Variants in NEMP1 observed in about 807,000 individuals in gnomAD.
The protein encoded by NEMP1 is nuclear envelope integral membrane protein 1, also known as transmembrane protein 194.
In NEMP1, 29 loss-of-function variants were observed where a neutral mutation model predicts 53.7. The observed-to-expected ratio is 0.54, with a 90% confidence interval of 0.40 to 0.74. The LOEUF is 0.74. Among genes scored for constraint, NEMP1 ranks in the 30% least tolerant of loss-of-function variants. The probability of loss-of-function intolerance (pLI) is 0.00; values close to 1 mark genes in which losing one functional copy is unlikely to be tolerated. For synonymous variants in NEMP1, 193 were observed against 192.9 expected (o/e 1.00, Z 0.00); for missense variants, 477 against 528.6 (o/e 0.90, Z 0.96).
At position 57,069,211 on chromosome 12, in the gene NEMP1, T is replaced by C. The variant is rs373504165; in HGVS notation, c.545+23A>G. 7.2e-4 allele frequency: 1,091 copies of C among 1,514,424 alleles called. 3 individuals carry two copies. The highest frequency in any genetic ancestry group is 7.4e-4 in the Non-Finnish European group (831 of 1,126,346). 93.8% of individuals were successfully genotyped at this position (1,514,424 alleles called of 1,614,324 possible). A position where few individuals can be genotyped will look rare whatever the true frequency, so the allele number is the denominator to read the frequency against. On this transcript the variant is annotated intron_variant, in intron 4 of 8. Coordinates refer to ENST00000300128, the MANE Select transcript of NEMP1 (RefSeq NM_001130963.2). ...AGGATAGGTATGAGCCGTTTCATTCTGCACACTAGCCTTGGAACCTACCTG... is the reference window on the plus strand; with the variant it reads ...AGGATAGGTATGAGCCGTTTCATTCCGCACACTAGCCTTGGAACCTACCTG...
intron 4 of NEMP1, among the ~76,000 whole-genome samples, chr12:57,065,096 T>A (rs1027249764): frequency 1.3e-5 from 2 of 152,230 alleles, no homozygotes; most frequent in African/African-American, 4.8e-5. Context: ...GTCATCATTT[T>A]TTTTGCTGGT....
chr12:57,078,338 C>T (rs1207245987), intron 1 of NEMP1, among the ~76,000 whole-genome samples: 1 of 152,122 alleles, frequency 6.6e-6, no homozygotes, highest in African/African-American at 2.4e-5. Context: ...ACACAGCCCC[C>T]AGGACTGCTT....
At chr12:57,067,339 A>G (rs2032139673) in intron 4 of NEMP1, among the ~76,000 whole-genome samples, 1 of 152,040 alleles carries the variant, frequency 6.6e-6, no homozygotes, top group South Asian at 2.1e-4. Flanking sequence ...AAAAAAAAAG[A>G]AAATGAACTA....
intron 1 of NEMP1, among the ~76,000 whole-genome samples, chr12:57,073,532 T>A (rs532892210): frequency 6.6e-6 from 1 of 151,960 alleles, no homozygotes; most frequent in Non-Finnish European, 1.5e-5. Flanking sequence ...TAATCCCAGC[T>A]ACTCGAGAGG....
At position 57,070,483 on chromosome 12, in the gene NEMP1, G is replaced by A. The variant is rs899660455; in HGVS notation, c.472+191C>T. Among the ~76,000 whole-genome samples the A allele has an allele frequency of 1.6e-4, 24 of 152,226 alleles. 1 individual carries two copies. Among genetic ancestry groups the A allele is most frequent in the Non-Finnish European group, 7.3e-5 (5 of 68,046 alleles). On this transcript the variant is annotated intron_variant, in intron 3 of 8. Transcript: ENST00000300128. ...GGTACTCAGAATTTCCTGAGGTGGAGTTTCAATTCTAGGCCTGTCTGATAG... is the reference window on the plus strand; with the variant it reads ...GGTACTCAGAATTTCCTGAGGTGGAATTTCAATTCTAGGCCTGTCTGATAG...
In NEMP1 at chr12:57,060,768, T is replaced by C; in HGVS notation, c.1154+4A>G. 6.2e-7 allele frequency: 1 copy of C among 1,610,302 alleles called. No homozygotes were observed. The highest frequency in any genetic ancestry group is 8.5e-7 in the Non-Finnish European group (1 of 1,178,440). ...AGATGCTTGGTATATCTGGCCGAGT[T>C]TACCTTTTTGGAGACTGGATTCGAG... On this transcript the variant is annotated splice_donor_region_variant and intron_variant, in intron 8 of 8. Coordinates refer to ENST00000300128, the MANE Select transcript of NEMP1 (RefSeq NM_001130963.2).
intron 2 of NEMP1, among the ~76,000 whole-genome samples, chr12:57,071,799 TG>T (rs2032360462): frequency 6.6e-6 from 1 of 151,266 alleles, no homozygotes; most frequent in South Asian, 2.1e-4. Context: ...CACTCCAGCC[TG>T]GGTGACTGAG....
At chr12:57,069,666 G>A (rs1391977769) in intron 3 of NEMP1, among the ~76,000 whole-genome samples, 1 of 151,872 alleles carries the variant, frequency 6.6e-6, no homozygotes, top group Non-Finnish European at 1.5e-5. Flanking sequence ...TCACAGTCAT[G>A]GAACTCAGCA....
chr12:57,069,203 T>C (rs1454825937), intron 4 of NEMP1, 31 bp downstream of exon 4: 4 of 1,484,494 alleles, frequency 2.7e-6, no homozygotes, highest in Non-Finnish European at 3.6e-6. Flanking sequence ...GTATGAGCCG[T>C]TTCATTCTGC....
rs542282209 is a variant in NEMP1, at chr12:57,086,100, G to A, written n.113+1851C>T. On this transcript the variant is annotated intron_variant and non_coding_transcript_variant, in intron 1 of 2. Transcript: ENST00000553654. ...GTGGAAGGGGTCCAGGAAGGAGAGG[G>A]TGAGCCAAACCTTGCTGAGTGAGTC... Among the ~76,000 whole-genome samples the A allele has an allele frequency of 7.0e-4, 106 of 152,312 alleles. 2 individuals are homozygous for A. The South Asian group carries it at 0.021, about 31-fold the overall frequency.
chr12:57,066,098 C>CA (rs1201274702), intron 4 of NEMP1, among the ~76,000 whole-genome samples: 8 of 151,782 alleles, frequency 5.3e-5, no homozygotes, highest in Admixed American at 2.0e-4. Flanking sequence ...ACTAAAAATA[C>CA]AAAAAAATTA....
chr12:57,075,749 T>C (rs2032583957), intron 1 of NEMP1, among the ~76,000 whole-genome samples: 1 of 151,376 alleles, frequency 6.6e-6, no homozygotes, highest in African/African-American at 2.4e-5. Context: ...GGCAGATCAT[T>C]TGAGGTCAGG....
chr12:57,078,875 C>T (rs1429971645), upstream of NEMP1: 2 of 1,070,926 alleles, frequency 1.9e-6, no homozygotes, highest in African/African-American at 1.6e-5. Context: ...CTTCGAGCAC[C>T]CAGCCCTCCA....
rs978846377 is a variant in NEMP1, at chr12:57,058,653, C to G, written c.*1226G>C. 10 of 152,354 alleles carry G rather than the reference C, an allele frequency of 6.6e-5. No homozygotes were observed. The highest frequency in any genetic ancestry group is 6.5e-4 in the Admixed American group (10 of 15,306). 9.4% of individuals were successfully genotyped at this position (152,354 alleles called of 1,614,324 possible). On this transcript the variant is annotated 3_prime_UTR_variant, in exon 9 of 9. Transcript: ENST00000300128. ...TAAGTGTAAGTTCATGGAAACTTGA[C>G]AGCTGAATGAGCACCCAGAGGCATG...
chr12:57,064,357 C>T (rs1024083962), intron 5 of NEMP1, among the ~76,000 whole-genome samples, 172 bp from the exon 6 acceptor site: 6 of 151,978 alleles, frequency 3.9e-5, no homozygotes, highest in African/African-American at 7.3e-5. Context: ...CAGTCTGCAA[C>T]GAACACTGGG....
chr12:57,082,702 A>G (rs2032880802), upstream of NEMP1, among the ~76,000 whole-genome samples: 1 of 152,018 alleles, frequency 6.6e-6, no homozygotes, highest in Non-Finnish European at 1.5e-5. Flanking sequence ...ACAGAGTAAG[A>G]CCTTGTTGCT....
intron 5 of NEMP1, 71 bp from the exon 6 acceptor site, chr12:57,064,256 A>C: frequency 1.1e-6 from 1 of 943,788 alleles, no homozygotes; most frequent in Non-Finnish European, 1.6e-6. Flanking sequence ...AGCAAAATGG[A>C]ACTATGATTT....
chr12:57,059,713 A>C lies in NEMP1; in HGVS notation c.*166T>G. Reference sequence around the variant, plus strand: ...CTCTCCTTCCTCAGGGATCCCATAGAGACCTCCCATTTCCAAAGGGAGGCC... The same window carrying C: ...CTCTCCTTCCTCAGGGATCCCATAGCGACCTCCCATTTCCAAAGGGAGGCC... On this transcript the variant is annotated 3_prime_UTR_variant, in exon 9 of 9. Coordinates refer to ENST00000300128, the MANE Select transcript of NEMP1 (RefSeq NM_001130963.2). The C allele has an allele frequency of 1.7e-6, 1 of 595,674 alleles. No individual in the cohort carries two copies. Among genetic ancestry groups the C allele is most frequent in the Non-Finnish European group, 2.9e-6 (1 of 341,648 alleles). 36.9% of individuals were successfully genotyped at this position (595,674 alleles called of 1,614,324 possible).
At chr12:57,075,488 CCAT>C (rs1263801419) in intron 1 of NEMP1, among the ~76,000 whole-genome samples, 3 of 147,510 alleles carry the variant, frequency 2.0e-5, no homozygotes, top group Non-Finnish European at 4.5e-5. Flanking sequence ...GAGCAAGACT[CCAT>C]CTCAATATCA....
Sources: gnomAD v4.1 joint callset for allele counts (sites outside exome capture counted in the v4.1 genomes callset) on GRCh38, gnomAD v4.1.1 for gene constraint, MANE v1.5 for transcripts, NCBI Gene and HGNC (gene_info 2026-07-23, HGNC 2026-07-21) for gene names.